Variants in SH3PXD2A observed in about 807,000 individuals in gnomAD.
SH3PXD2A encodes SH3 and PX domains 2A, also known as SH3 and PX domain-containing protein 2A.
A neutral mutation model predicts 115.2 loss-of-function variants in SH3PXD2A; 32 were observed. The ratio of observed to expected loss-of-function variants is 0.28; its 90% CI spans 0.21 to 0.37. The LOEUF (loss-of-function observed/expected upper bound fraction) is 0.37, where lower values mean the gene tolerates loss of function less well. Ranked by LOEUF, SH3PXD2A falls within the 10% of genes least tolerant of loss-of-function variation. The pLI is 1.00. For synonymous variants in SH3PXD2A, 610 were observed against 629.1 expected (o/e 0.97, Z 0.45); for missense variants, 1,328 against 1,498.7 (o/e 0.89, Z 1.88).
chr10:103,668,573 C>T (rs1360922971), intron 7 of SH3PXD2A, 35 bp downstream of exon 7: 33 of 1,540,278 alleles, frequency 2.1e-5, no homozygotes, highest in Non-Finnish European at 2.6e-5. Context: ...CTGGAACACA[C>T]ATGCTCACAC....
In SH3PXD2A at chr10:103,853,459, T is replaced by A. The variant is rs572205304; in HGVS notation, c.72+1736A>T. Among the ~76,000 whole-genome samples the A allele has an allele frequency of 3.3e-5, 5 of 152,336 alleles. No homozygotes were observed. In the South Asian group the frequency reaches 1.0e-3, roughly 32 times the overall value. On this transcript the variant is annotated intron_variant, in intron 1 of 14. Coordinates refer to ENST00000369774, the MANE Select transcript of SH3PXD2A (RefSeq NM_001394015.1). ...ATACTATTATTATCCTTACTTGAAA[T>A]TGAGTAAACTGAGGCTGGGGGAGGT...
chr10:103,751,197 C>G (rs540380798), intron 3 of SH3PXD2A, among the ~76,000 whole-genome samples: 1 of 152,188 alleles, frequency 6.6e-6, no homozygotes, highest in African/African-American at 2.4e-5. Context: ...AAAGAATTCA[C>G]GCATGATCTT....
chr10:103,706,159 G>A (rs1308085377), intron 5 of SH3PXD2A, among the ~76,000 whole-genome samples: 5 of 152,192 alleles, frequency 3.3e-5, no homozygotes, highest in East Asian at 3.8e-4. Flanking sequence ...GTGTCACAGC[G>A]TCCATGACCA....
rs183352152 is a variant in SH3PXD2A, at chr10:103,756,363, G to A, written c.229+10731C>T. Among the ~76,000 whole-genome samples the A allele has an allele frequency of 2.6e-5, 4 of 152,276 alleles. No homozygotes were observed. The highest frequency in any genetic ancestry group is 7.2e-5 in the African/African-American group (3 of 41,564). ...GGATTAGGCCAGGGACACTGTGGGA[G>A]TTTATCTCTTCCAGTGCCCCTCACC... On this transcript the variant is annotated intron_variant, in intron 3 of 14. Transcript: ENST00000369774. This position sits in a 1 kb window ranked among gnomAD's most constrained non-coding sequence, Gnocchi z 4.4.
intron 6 of SH3PXD2A, among the ~76,000 whole-genome samples, chr10:103,679,210 CT>C (rs2037579234): frequency 1.3e-5 from 2 of 152,240 alleles, no homozygotes; most frequent in South Asian, 4.1e-4. Context: ...CTGCTGTTTC[CT>C]TGCCCACCTC....
At chr10:103,614,899 G>A (rs754486958) in intron 11 of SH3PXD2A, among the ~76,000 whole-genome samples, 18 of 152,152 alleles carry the variant, frequency 1.2e-4, no homozygotes, top group Admixed American at 6.5e-4. Flanking sequence ...GGCTCCTTAC[G>A]TTCTGTCACA....
intron 5 of SH3PXD2A, among the ~76,000 whole-genome samples, chr10:103,706,311 G>A (rs2037980217): frequency 1.3e-5 from 2 of 152,268 alleles, no homozygotes; most frequent in Admixed American, 6.5e-5. Flanking sequence ...CTGGACTGGA[G>A]GAGCCTGAGG....
At chr10:103,677,408 G>A (rs924445862) in intron 6 of SH3PXD2A, among the ~76,000 whole-genome samples, 2 of 152,178 alleles carry the variant, frequency 1.3e-5, no homozygotes, top group East Asian at 3.9e-4. Context: ...TGGAGGCCTT[G>A]AAGGTATAAC....
chr10:103,813,352 T>C (rs1177373908), intron 1 of SH3PXD2A, among the ~76,000 whole-genome samples: 1 of 152,264 alleles, frequency 6.6e-6, no homozygotes. Flanking sequence ...AGTCTCGCTC[T>C]CTTGCCCAGG....
At chr10:103,688,518 C>T (rs967389959) in intron 6 of SH3PXD2A, among the ~76,000 whole-genome samples, 1 of 152,146 alleles carries the variant, frequency 6.6e-6, no homozygotes, top group Admixed American at 6.5e-5. Context: ...CAGGCAGCTT[C>T]GCTAAGAAGG....
chr10:103,735,457 A>T (rs920841814), intron 4 of SH3PXD2A, among the ~76,000 whole-genome samples: 1 of 152,208 alleles, frequency 6.6e-6, no homozygotes, highest in Non-Finnish European at 1.5e-5. Flanking sequence ...AGCTCAGTTC[A>T]CTTCCCAGAG....
intron 5 of SH3PXD2A, among the ~76,000 whole-genome samples, chr10:103,711,451 T>C (rs891268723): frequency 1.3e-5 from 2 of 152,192 alleles, no homozygotes; most frequent in Non-Finnish European, 2.9e-5. Context: ...GCTGGGCCAC[T>C]GGAATCAATA....
chr10:103,747,875 C>A (rs1378375057), intron 3 of SH3PXD2A, among the ~76,000 whole-genome samples: 1 of 152,098 alleles, frequency 6.6e-6, no homozygotes, highest in Non-Finnish European at 1.5e-5. Flanking sequence ...GTCTTGAACT[C>A]CTGGGCTCAA....
chr10:103,632,870 G>A (rs534154007), intron 8 of SH3PXD2A, among the ~76,000 whole-genome samples: 3 of 152,060 alleles, frequency 2.0e-5, no homozygotes, highest in East Asian at 3.9e-4. Context: ...AGTAACTCGA[G>A]AGGCTGAGGC....
chr10:103,627,783 C>T lies in SH3PXD2A; in HGVS notation c.605-581G>A, dbSNP rs956650847. Among the ~76,000 whole-genome samples the T allele has an allele frequency of 6.6e-6, 1 of 152,332 alleles. No homozygotes were observed. The stretch of plus-strand genomic sequence containing the variant: ...AGCTGATGCTTGACGATCATGGCCA[C>T]GTGATAAAGCCTCATTCATCTTATT... On this transcript the variant is annotated intron_variant, in intron 8 of 14. Coordinates refer to ENST00000369774, the MANE Select transcript of SH3PXD2A (RefSeq NM_001394015.1). The surrounding 1 kb of genome is among the most constrained non-coding windows in gnomAD (Gnocchi z 4.4).
At chr10:103,681,761 C>T (rs907658228) in intron 6 of SH3PXD2A, among the ~76,000 whole-genome samples, 18 of 56,422 alleles carry the variant, frequency 3.2e-4, no homozygotes, top group South Asian at 1.0e-3. Context: ...CACGCGCCCG[C>T]GCGCGCGCGC....
chr10:103,637,820 C>G (rs2036889275), intron 8 of SH3PXD2A, among the ~76,000 whole-genome samples: 1 of 152,180 alleles, frequency 6.6e-6, no homozygotes, highest in Non-Finnish European at 1.5e-5. Context: ...CCATACCACA[C>G]CCAGCACAAG....
chr10:103,606,376 ATTTT>A (rs34117845), intron 13 of SH3PXD2A, among the ~76,000 whole-genome samples: 2 of 78,280 alleles, frequency 2.6e-5, no homozygotes, highest in African/African-American at 4.7e-5. Flanking sequence ...CACCTGGTTA[ATTTT>A]TTTTTTTTTT....
At chr10:103,797,142 G>A (rs979341187) in intron 2 of SH3PXD2A, among the ~76,000 whole-genome samples, 14 of 152,258 alleles carry the variant, frequency 9.2e-5, no homozygotes, top group Middle Eastern at 3.4e-3. Flanking sequence ...GGGATTACAG[G>A]CATGAACCAC....
Sources: gnomAD v4.1 joint callset for allele counts (sites outside exome capture counted in the v4.1 genomes callset) on GRCh38, gnomAD v4.1.1 for gene constraint, Gnocchi (gnomAD v3.1) non-coding constraint, MANE v1.5 for transcripts, NCBI Gene and HGNC (gene_info 2026-07-23, HGNC 2026-07-21) for gene names.